Variants in GRIA4 observed in about 807,000 individuals in gnomAD.
GRIA4 encodes glutamate receptor 4.
Under a neutral mutation model 104.0 loss-of-function variants are expected in GRIA4, and 34 were observed. That is an observed-to-expected ratio of 0.33 (90% CI 0.25 to 0.44). The LOEUF is 0.44. Ranked by LOEUF, GRIA4 falls within the 20% of genes least tolerant of loss-of-function variation. GRIA4 has a pLI of 1.00. For missense variants in GRIA4, 750 were observed against 1,096.5 expected, an observed-to-expected ratio of 0.68 and a Z score of 4.46; for synonymous variants, 386 against 381.9, an observed-to-expected ratio of 1.01 and a Z score of -0.13.
At chr11:105,610,754 G>T in intron 1 of GRIA4, 154 bp from the exon 2 acceptor site, 1 of 478,958 alleles carries the variant, frequency 2.1e-6, no homozygotes, top group South Asian at 2.6e-5. Context: ...CCTCTCCCAG[G>T]GCTATGGAGA....
chr11:105,937,468 C>T (rs1302736787), intron 14 of GRIA4, among the ~76,000 whole-genome samples: 1 of 152,042 alleles, frequency 6.6e-6, no homozygotes, highest in East Asian at 1.9e-4. Flanking sequence ...AATCATCATT[C>T]GGTTGACATA....
At chr11:105,617,914 A>G (rs1260409004) in intron 3 of GRIA4, among the ~76,000 whole-genome samples, 1 of 152,032 alleles carries the variant, frequency 6.6e-6, no homozygotes, top group African/African-American at 2.4e-5. Flanking sequence ...TTGCTAGGAG[A>G]GAGATGGACA....
chr11:105,713,569 A>AC (rs1346459984), intron 3 of GRIA4, among the ~76,000 whole-genome samples: 2 of 152,186 alleles, frequency 1.3e-5, no homozygotes, highest in African/African-American at 4.8e-5. Flanking sequence ...CATGCATTAT[A>AC]CATTCCAATT....
At chr11:105,768,133 C>T (rs1941037038) in intron 4 of GRIA4, among the ~76,000 whole-genome samples, 1 of 152,054 alleles carries the variant, frequency 6.6e-6, no homozygotes, top group South Asian at 2.1e-4. Context: ...TTTGTGTGAT[C>T]ACAGGTGTTG....
chr11:105,941,252 G>A (rs1221666916), intron 14 of GRIA4, among the ~76,000 whole-genome samples: 1 of 152,102 alleles, frequency 6.6e-6, no homozygotes, highest in Admixed American at 6.5e-5. Flanking sequence ...ATGATTGAAT[G>A]TAGTTTCTTT....
At chr11:105,664,355 AGGACAGAGTAGCT>A (rs1952102639) in intron 3 of GRIA4, among the ~76,000 whole-genome samples, 2 of 151,016 alleles carry the variant, frequency 1.3e-5, no homozygotes, top group South Asian at 4.2e-4. Context: ...GACCAGCAGT[AGGACAGAGTAGCT>A]GGTGAGCAAA....
chr11:105,819,061 T>C (rs561050095), intron 4 of GRIA4, among the ~76,000 whole-genome samples: 43 of 152,240 alleles, frequency 2.8e-4, no homozygotes, highest in African/African-American at 1.0e-3. Context: ...AAAGCAGCCA[T>C]TTGGGTTTGG....
chr11:105,690,937 T>A (rs1469504715), intron 3 of GRIA4, among the ~76,000 whole-genome samples: 1 of 152,208 alleles, frequency 6.6e-6, no homozygotes, highest in Non-Finnish European at 1.5e-5. Context: ...TGAATGAATA[T>A]GTGTCTTTTA....
chr11:105,690,857 A>G (rs1430981455), intron 3 of GRIA4, among the ~76,000 whole-genome samples: 1 of 152,132 alleles, frequency 6.6e-6, no homozygotes, highest in Non-Finnish European at 1.5e-5. Context: ...TTATTAAGGA[A>G]TCATAATCAA....
At chr11:105,854,613 C>T (rs1269542381) in intron 4 of GRIA4, among the ~76,000 whole-genome samples, 1 of 152,106 alleles carries the variant, frequency 6.6e-6, no homozygotes, top group East Asian at 1.9e-4. Context: ...AAACAAGAGG[C>T]TTGGGCCTGG....
chr11:105,747,969 G>A (rs973467645), intron 3 of GRIA4, among the ~76,000 whole-genome samples: 1 of 152,018 alleles, frequency 6.6e-6, no homozygotes, highest in Admixed American at 6.6e-5. Context: ...AATATGTATT[G>A]AGTGCTTACT....
Position 105,933,699 on chromosome 11 carries a change from AATTTT to A in GRIA4, c.2047-16_2047-12del. The A allele has an allele frequency of 3.3e-6, 5 of 1,501,840 alleles. No homozygotes were observed. The Admixed American group carries it at 8.2e-5, about 25-fold the overall frequency. The allele number at this position is 1,501,840 out of a possible 1,614,324, so 93.0% of individuals were successfully genotyped here. A position where few individuals can be genotyped will look rare whatever the true frequency, so the allele number is the denominator to read the frequency against. ...TGTTGTTCCCTTCTTTCCTGTATTT[AATTTT>A]ATTTTAATTTCCTCCAGAGATCAAA... On this transcript the variant is annotated intron_variant, in intron 13 of 16. Transcript: ENST00000282499.
chr11:105,827,569 G>A (rs1943818007), intron 4 of GRIA4, among the ~76,000 whole-genome samples: 1 of 151,700 alleles, frequency 6.6e-6, no homozygotes. Flanking sequence ...AGAATGGTGT[G>A]GATATTCTGG....
intron 4 of GRIA4, among the ~76,000 whole-genome samples, chr11:105,859,466 T>C (rs1945137938): frequency 1.3e-5 from 2 of 152,226 alleles, no homozygotes. Context: ...ATTTGAATTA[T>C]AATTTTGTTT....
intron 3 of GRIA4, among the ~76,000 whole-genome samples, chr11:105,745,747 A>G (rs1939620084): frequency 6.6e-6 from 1 of 152,206 alleles, no homozygotes; most frequent in Admixed American, 6.5e-5. Flanking sequence ...GACTTTCGCA[A>G]TCAAGGCAGT....
chr11:105,785,003 A>T (rs1172355425), intron 4 of GRIA4, among the ~76,000 whole-genome samples: 1 of 152,108 alleles, frequency 6.6e-6, no homozygotes, highest in Admixed American at 6.5e-5. Context: ...GCAATAATAA[A>T]ATCTACCATG....
intron 3 of GRIA4, among the ~76,000 whole-genome samples, chr11:105,625,219 C>G (rs1591457826): frequency 1.3e-5 from 2 of 152,020 alleles, no homozygotes; most frequent in South Asian, 4.1e-4. Context: ...TGATACCGTA[C>G]TAAAGACTCT....
chr11:105,876,099 T>C (rs1945809966), intron 5 of GRIA4, among the ~76,000 whole-genome samples: 1 of 152,186 alleles, frequency 6.6e-6, no homozygotes, highest in Admixed American at 6.5e-5. Context: ...GTCTCAGACA[T>C]TCTAGTACAT....
intron 14 of GRIA4, among the ~76,000 whole-genome samples, chr11:105,965,451 C>G (rs507450): frequency 0.65 from 98,239 of 150,868 alleles, 31,952 homozygotes; most frequent in Middle Eastern, 0.73. Context: ...GCACACTAAA[C>G]CCACATAAAA....
Sources: gnomAD v4.1 joint callset for allele counts (sites outside exome capture counted in the v4.1 genomes callset) on GRCh38, gnomAD v4.1.1 for gene constraint, MANE v1.5 for transcripts, NCBI Gene and HGNC (gene_info 2026-07-23, HGNC 2026-07-21) for gene names.